RALYL: variants seen among roughly 807,000 people sequenced by gnomAD.
RALYL encodes RALY RNA binding protein like.
Under a neutral mutation model 35.1 loss-of-function variants are expected in RALYL, and 29 were observed. The ratio of observed to expected loss-of-function variants is 0.83; its 90% confidence interval spans 0.61 to 1.13. The LOEUF (loss-of-function observed/expected upper bound fraction) is 1.13. RALYL is among the 50% of genes most tolerant of loss of function. The pLI is 0.00. For synonymous variants in RALYL, 120 were observed against 127.6 expected, an observed-to-expected ratio of 0.94 and a Z score of 0.40; for missense variants, 359 against 360.4, an observed-to-expected ratio of 1.00 and a Z score of 0.03.
intron 1 of RALYL, among the ~76,000 whole-genome samples, chr8:84,389,985 A>G (rs1860238709): frequency 6.6e-6 from 1 of 151,988 alleles, no homozygotes; most frequent in Non-Finnish European, 1.5e-5. Context: ...TGGGTTTGTC[A>G]TAGATAGCTC....
chr8:84,444,154 C>T (rs1406257288), intron 1 of RALYL, among the ~76,000 whole-genome samples: 3 of 152,062 alleles, frequency 2.0e-5, no homozygotes, highest in African/African-American at 7.2e-5. Flanking sequence ...CATAGTGAGA[C>T]TCCATCTCTA....
chr8:84,556,583 T>C (rs1481004857), intron 2 of RALYL, among the ~76,000 whole-genome samples: 3 of 152,238 alleles, frequency 2.0e-5, no homozygotes, highest in African/African-American at 7.2e-5. Context: ...TTTTATAACA[T>C]TGGTCTCCAT....
chr8:84,617,761 C>G (rs1035634937), intron 2 of RALYL, among the ~76,000 whole-genome samples: 2 of 151,208 alleles, frequency 1.3e-5, no homozygotes, highest in African/African-American at 2.5e-5. Flanking sequence ...TTTTGAAATA[C>G]GTCCCATCAA....
chr8:84,540,385 G>A (rs1588075532), intron 2 of RALYL, among the ~76,000 whole-genome samples: 1 of 151,492 alleles, frequency 6.6e-6, no homozygotes, highest in East Asian at 1.9e-4. Flanking sequence ...TCTATTTCTA[G>A]TTGGCTAACA....
intron 2 of RALYL, among the ~76,000 whole-genome samples, chr8:84,664,542 C>T (rs1831590455): frequency 6.6e-6 from 1 of 151,980 alleles, no homozygotes. Context: ...AGATATTTCA[C>T]TTCCCTGCTT....
intron 2 of RALYL, among the ~76,000 whole-genome samples, chr8:84,665,267 C>T (rs1305396363): frequency 1.3e-5 from 2 of 151,488 alleles, no homozygotes; most frequent in African/African-American, 2.4e-5. Context: ...ACAATATTGG[C>T]CTGAAGTTTT....
chr8:84,474,893 C>T (rs2053217470), intron 1 of RALYL, among the ~76,000 whole-genome samples: 2 of 149,686 alleles, frequency 1.3e-5, no homozygotes, highest in Admixed American at 6.7e-5. Context: ...CCCACCCCAC[C>T]CTTTTTGGTT....
intron 1 of RALYL, among the ~76,000 whole-genome samples, chr8:84,471,184 G>A (rs1484046029): frequency 6.6e-6 from 1 of 152,160 alleles, no homozygotes; most frequent in African/African-American, 2.4e-5. Flanking sequence ...ATGTCTGGTA[G>A]AAAATATATT....
chr8:84,459,991 T>TA (rs1368115792), intron 1 of RALYL, among the ~76,000 whole-genome samples: 2 of 151,720 alleles, frequency 1.3e-5, no homozygotes, highest in African/African-American at 4.8e-5. Flanking sequence ...TTACTTTATA[T>TA]AAAAAACAGG....
rs138974371 is a variant in RALYL, at chr8:84,224,620, G to T, written c.-24+40196G>T. 5.8e-3 allele frequency among the ~76,000 whole-genome samples: 877 copies of T among 151,478 alleles called. 10 individuals are homozygous for T. Among genetic ancestry groups the T allele is most frequent in the African/African-American group, 0.02 (809 of 41,294 alleles). On this transcript the variant is annotated intron_variant, in intron 1 of 8. Transcript: ENST00000521268. ...CCAGGTGTTTTTATGAATGTAGAAT[G>T]ATACAACATATTATTTAATGGATTA... is the stretch of plus-strand genomic sequence containing the variant.
At position 84,223,746 on chromosome 8, in the gene RALYL, CT is replaced by C. The variant is rs571067118; in HGVS notation, c.-24+39327del. Among the ~76,000 whole-genome samples the C allele has an allele frequency of 7.6e-4, 116 of 152,258 alleles. 2 individuals are homozygous for C. The South Asian group carries it at 0.023, about 30-fold the overall frequency. ...TGCTGCAACATCTTGTCCTGTACAA[CT>C]TTTTAAGTTTTGTGGGAAGTGGCAC... On this transcript the variant is annotated intron_variant, in intron 1 of 8. Coordinates refer to ENST00000521268, the MANE Select transcript of RALYL (RefSeq NM_173848.7).
At chr8:84,476,455 C>CT (rs2053434426) in intron 1 of RALYL, among the ~76,000 whole-genome samples, 1 of 152,094 alleles carries the variant, frequency 6.6e-6, no homozygotes, top group Non-Finnish European at 1.5e-5. Flanking sequence ...TCTTAATCTT[C>CT]TTTTTATCTT....
At chr8:84,593,020 T>A (rs1813639055) in intron 2 of RALYL, among the ~76,000 whole-genome samples, 1 of 152,128 alleles carries the variant, frequency 6.6e-6, no homozygotes, top group Admixed American at 6.6e-5. Context: ...AGCACCAGCA[T>A]TAGACTCTGT....
intron 4 of RALYL, among the ~76,000 whole-genome samples, chr8:84,819,259 C>A (rs891685959): frequency 1.3e-5 from 2 of 152,084 alleles, no homozygotes; most frequent in Non-Finnish European, 2.9e-5. Flanking sequence ...GTTTCCACAG[C>A]GCTATTTTTG....
At chr8:84,683,025 G>A (rs1028611076) in intron 2 of RALYL, among the ~76,000 whole-genome samples, 1 of 152,116 alleles carries the variant, frequency 6.6e-6, no homozygotes, top group African/African-American at 2.4e-5. Context: ...GTTTTCCAGA[G>A]ATTCTGGTAT....
chr8:84,911,228 G>C (rs1370644126), intron 8 of RALYL, among the ~76,000 whole-genome samples: 1 of 152,010 alleles, frequency 6.6e-6, no homozygotes, highest in Non-Finnish European at 1.5e-5. Context: ...AGTTCAACTA[G>C]CAACTATCCA....
At chr8:84,302,111 A>G (rs1840908641) in intron 1 of RALYL, among the ~76,000 whole-genome samples, 1 of 152,172 alleles carries the variant, frequency 6.6e-6, no homozygotes. Flanking sequence ...TGTATCAAAG[A>G]TTATCATACA....
intron 4 of RALYL, among the ~76,000 whole-genome samples, chr8:84,822,336 T>C (rs1177195703): frequency 2.0e-5 from 3 of 152,152 alleles, no homozygotes; most frequent in Non-Finnish European, 4.4e-5. Context: ...AATTAAGGGA[T>C]TGCCCAATAA....
chr8:84,329,601 A>C (rs1290493358), intron 1 of RALYL, among the ~76,000 whole-genome samples: 1 of 152,118 alleles, frequency 6.6e-6, no homozygotes, highest in Non-Finnish European at 1.5e-5. Flanking sequence ...AAAGCTCCTT[A>C]GTTTAATTAG....
Sources: gnomAD v4.1 joint callset for allele counts (sites outside exome capture counted in the v4.1 genomes callset) on GRCh38, gnomAD v4.1.1 for gene constraint, MANE v1.5 for transcripts, NCBI Gene and HGNC (gene_info 2026-07-23, HGNC 2026-07-21) for gene names.